Variants in HNRNPLL observed in about 807,000 individuals in gnomAD.
The protein encoded by HNRNPLL is heterogeneous nuclear ribonucleoprotein L-like.
HNRNPLL carries 25 observed loss-of-function variants against 67.1 expected under a neutral mutation model. That is an observed-to-expected ratio of 0.37 (90% CI 0.27 to 0.52). The LOEUF (loss-of-function observed/expected upper bound fraction) is 0.52. Among genes scored for constraint, HNRNPLL ranks in the 20% least tolerant of loss-of-function variants. The probability of loss-of-function intolerance (pLI) is 0.90; values close to 1 mark genes in which losing one functional copy is unlikely to be tolerated. For missense variants in HNRNPLL, 542 were observed against 673.9 expected (o/e 0.80, Z 2.17); for synonymous variants, 267 against 241.7 (o/e 1.10, Z -0.97).
At chr2:38,568,527 T>C in intron 10 of HNRNPLL, 84 bp from the exon 11 acceptor site, 7 of 822,670 alleles carry the variant, frequency 8.5e-6, no homozygotes, top group Non-Finnish European at 1.4e-5. Flanking sequence ...TATGGCAGAA[T>C]TTAAGTTTTA....
chr2:38,562,133 G>A lies in HNRNPLL; in HGVS notation c.*2049C>T, dbSNP rs752467244. 3 of 152,160 alleles carry A rather than the reference G, an allele frequency of 2.0e-5. No individual in the cohort carries two copies. Among genetic ancestry groups the A allele is most frequent in the African/African-American group, 4.8e-5 (2 of 41,442 alleles). The allele number at this position is 152,160 out of a possible 1,614,324, so 9.4% of individuals were successfully genotyped here. ...TCTAAAAGCATAAAGATAGCACAGA[G>A]AAGAATGTTGCCAAGGCTAAGGAAA... On this transcript the variant is annotated 3_prime_UTR_variant, in exon 13 of 13. Coordinates refer to ENST00000449105, the MANE Select transcript of HNRNPLL (RefSeq NM_138394.4).
At chr2:38,591,249 G>C (rs1213704520) in intron 2 of HNRNPLL, among the ~76,000 whole-genome samples, 1 of 151,840 alleles carries the variant, frequency 6.6e-6, no homozygotes, top group African/African-American at 2.4e-5. Flanking sequence ...GGACTCATTT[G>C]AAAATCAGAT....
chr2:38,590,707 T>G (rs1666926957), intron 2 of HNRNPLL, among the ~76,000 whole-genome samples: 1 of 152,070 alleles, frequency 6.6e-6, no homozygotes, highest in African/African-American at 2.4e-5. Context: ...CAAACTAGGA[T>G]AAAATATAGC....
rs1279841573 is a variant in HNRNPLL at position 38,602,517 on chromosome 2, T to A, written c.110A>T (p.Glu37Val). Residue 37 changes from glutamate to valine, a missense_variant, in exon 1 of 13, where the codon GAG (glutamate) becomes GTG (valine). Glu to Val is a moderately radical substitution (Grantham distance 121). Around this residue, in one of 2 missense-constraint regions of HNRNPLL, gnomAD observed 127 missense variants for 98.7 expected, o/e 1.29. Transcript: ENST00000449105. ...CGCTTCCCGGCGGTTCTCGCCTTCC[T>A]CGGCCGAGTAGTCGATCTCCCCCTC... ...TEEGEIDYSA[E>V]EGENRREATP... The A allele has an allele frequency of 6.4e-7, 1 of 1,551,992 alleles. No individual in the cohort carries two copies. Among genetic ancestry groups the A allele is most frequent in the East Asian group, 2.4e-5 (1 of 41,550 alleles).
chr2:38,591,991 A>T (rs1359846980), intron 1 of HNRNPLL, among the ~76,000 whole-genome samples: 1 of 152,188 alleles, frequency 6.6e-6, no homozygotes, highest in African/African-American at 2.4e-5. Context: ...AAACAAAAAA[A>T]ATTTAAGTCT....
intron 6 of HNRNPLL, chr2:38,581,242 G>T (rs1573737828): frequency 6.6e-6 from 1 of 152,360 alleles, no homozygotes; most frequent in East Asian, 1.9e-4. Context: ...TGCAGATGAA[G>T]TCTAGTTTCC....
chr2:38,591,974 T>A (rs1221308794), intron 1 of HNRNPLL, among the ~76,000 whole-genome samples: 1 of 151,318 alleles, frequency 6.6e-6, no homozygotes, highest in Non-Finnish European at 1.5e-5. Flanking sequence ...AGACTCCATC[T>A]CAAAAAAAAC....
intron 3 of HNRNPLL, among the ~76,000 whole-genome samples, chr2:38,584,894 C>T (rs1367235151): frequency 1.3e-5 from 2 of 151,756 alleles, no homozygotes; most frequent in Admixed American, 1.3e-4. Context: ...ACATGTTTTC[C>T]CAACACCGAA....
chr2:38,595,236 TGCCACTCCA>T (rs1489728498), intron 1 of HNRNPLL, among the ~76,000 whole-genome samples: 2 of 128,998 alleles, frequency 1.6e-5, no homozygotes, highest in Middle Eastern at 9.9e-3. Context: ...GCCAAGATCG[TGCCACTCCA>T]GCCTGGGTGA....
intron 1 of HNRNPLL, among the ~76,000 whole-genome samples, chr2:38,595,728 C>T (rs934137845): frequency 6.6e-6 from 1 of 152,156 alleles, no homozygotes; most frequent in African/African-American, 2.4e-5. Context: ...CCTGTAGTCC[C>T]AGCTACTTGG....
intron 1 of HNRNPLL, among the ~76,000 whole-genome samples, chr2:38,601,307 T>C (rs1192158103): frequency 6.6e-6 from 1 of 152,216 alleles, no homozygotes; most frequent in Non-Finnish European, 1.5e-5. Flanking sequence ...GCCTTTTTTT[T>C]TATTATTTAA....
chr2:38,594,646 A>G (rs546361156), intron 1 of HNRNPLL, among the ~76,000 whole-genome samples: 1 of 152,296 alleles, frequency 6.6e-6, no homozygotes, highest in East Asian at 1.9e-4. Context: ...AGGTATAAAG[A>G]ACTTTATTAA....
chr2:38,596,267 C>T (rs1337745993), intron 1 of HNRNPLL, among the ~76,000 whole-genome samples: 1 of 152,122 alleles, frequency 6.6e-6, no homozygotes, highest in Non-Finnish European at 1.5e-5. Flanking sequence ...TTTGTAGAGA[C>T]TTCTCTCTTT....
At chr2:38,566,095 G>C (rs1665849142) in intron 12 of HNRNPLL, 1 of 987,802 alleles carries the variant, frequency 1.0e-6, no homozygotes, top group Non-Finnish European at 1.2e-6. Flanking sequence ...AATTAAACTT[G>C]AGTTTTCTCA....
chr2:38,565,179 T>C (rs1350919450), intron 12 of HNRNPLL, among the ~76,000 whole-genome samples: 4 of 152,108 alleles, frequency 2.6e-5, no homozygotes, highest in African/African-American at 9.7e-5. Context: ...TTAAAAGCTG[T>C]AGTTCATTAA....
In HNRNPLL at chr2:38,582,404, G is replaced by A. The variant is rs141286682; in HGVS notation, c.633-236C>T. ...GGGCTCAATGCAACCTCCACCTCCC[G>A]GGTTCAAGCAATTCTCCTGCCTCAG... On this transcript the variant is annotated intron_variant, in intron 4 of 12. Transcript: ENST00000449105. 8.0e-3 allele frequency among the ~76,000 whole-genome samples: 1,211 copies of A among 152,144 alleles called. 17 individuals carry two copies. The highest frequency in any genetic ancestry group is 0.026 in the African/African-American group (1,092 of 41,512).
chr2:38,591,093 GCTTA>G (rs1666943800), intron 2 of HNRNPLL, among the ~76,000 whole-genome samples: 1 of 152,154 alleles, frequency 6.6e-6, no homozygotes. Flanking sequence ...CCCTTAATCT[GCTTA>G]CTTTTAGTTG....
chr2:38,590,845 AT>A (rs1031090838), intron 2 of HNRNPLL, among the ~76,000 whole-genome samples: 3 of 152,076 alleles, frequency 2.0e-5, no homozygotes, highest in Non-Finnish European at 4.4e-5. Context: ...TCTACAAAAA[AT>A]TTTTTTAAAT....
At chr2:38,592,852 T>C (rs987436072) in intron 1 of HNRNPLL, among the ~76,000 whole-genome samples, 6 of 152,224 alleles carry the variant, frequency 3.9e-5, no homozygotes, top group African/African-American at 1.4e-4. Context: ...ACAAGACTAA[T>C]CTGAAAGCGC....
Sources: gnomAD v4.1 joint callset for allele counts (sites outside exome capture counted in the v4.1 genomes callset) on GRCh38, gnomAD v4.1.1 for gene constraint, gnomAD v4.1.1 regional missense constraint, MANE v1.5 for transcripts, NCBI Gene and HGNC (gene_info 2026-07-23, HGNC 2026-07-21) for gene names.